The following KAT6A variants were observed in gnomAD, a reference collection of about 807,000 sequenced individuals.
KAT6A encodes the protein lysine acetyltransferase 6A, also known as histone acetyltransferase KAT6A.
In KAT6A, 9 loss-of-function variants were observed where a neutral mutation model predicts 198.4. The observed-to-expected ratio is 0.05, with a 90% confidence interval of 0.03 to 0.08. The LOEUF (loss-of-function observed/expected upper bound fraction) is 0.08, where lower values mean the gene tolerates loss of function less well. KAT6A is among the 10% of genes least tolerant of loss of function. The pLI is 1.00. For missense variants in KAT6A, 2,077 were observed against 2,509.9 expected (o/e 0.83, Z 3.69); for synonymous variants, 890 against 883.0 (o/e 1.01, Z -0.14).
intron 2 of KAT6A, among the ~76,000 whole-genome samples, chr8:42,020,668 G>C (rs1826487092): frequency 6.6e-6 from 1 of 152,190 alleles, no homozygotes; most frequent in Non-Finnish European, 1.5e-5. Context: ...AGATGGGTTA[G>C]TGCTACAGAA....
chr8:41,984,457 A>G (rs927353437), intron 3 of KAT6A, among the ~76,000 whole-genome samples: 3 of 152,328 alleles, frequency 2.0e-5, no homozygotes, highest in Admixed American at 2.0e-4. Flanking sequence ...TAAATGAGCC[A>G]TCGTGGAAGC....
intron 2 of KAT6A, among the ~76,000 whole-genome samples, chr8:42,046,210 A>G (rs1358775708): frequency 6.6e-6 from 1 of 152,180 alleles, no homozygotes; most frequent in Non-Finnish European, 1.5e-5. Flanking sequence ...AAAATTATCT[A>G]TTGATAATTC....
chr8:42,029,305 T>G (rs1432152685), intron 2 of KAT6A, among the ~76,000 whole-genome samples: 6 of 152,210 alleles, frequency 3.9e-5, no homozygotes, highest in Non-Finnish European at 5.9e-5. Context: ...TTTCTAAATC[T>G]GTATGTCTGT....
intron 2 of KAT6A, among the ~76,000 whole-genome samples, chr8:41,991,784 C>T (rs926064306): frequency 1.3e-5 from 2 of 151,600 alleles, no homozygotes; most frequent in African/African-American, 2.4e-5. Flanking sequence ...GCACTCAGAA[C>T]GTGGAGGGGG....
intron 2 of KAT6A, among the ~76,000 whole-genome samples, chr8:42,027,293 C>G (rs1222690581): frequency 6.6e-6 from 1 of 152,040 alleles, no homozygotes. Flanking sequence ...ATAATGCTGG[C>G]CTTGTAGAGT....
chr8:42,008,066 A>G (rs1207162463), intron 2 of KAT6A, among the ~76,000 whole-genome samples: 1 of 151,604 alleles, frequency 6.6e-6, no homozygotes, highest in Non-Finnish European at 1.5e-5. Context: ...CATTTTATTG[A>G]TAAGGAAAAG....
chr8:41,986,160 C>G (rs1017609787), intron 3 of KAT6A, among the ~76,000 whole-genome samples: 4 of 152,170 alleles, frequency 2.6e-5, no homozygotes, highest in African/African-American at 9.7e-5. Context: ...AGGATGGTCT[C>G]GATCTCTTGA....
chr8:42,002,281 A>C (rs939821043), intron 2 of KAT6A, among the ~76,000 whole-genome samples: 1 of 152,202 alleles, frequency 6.6e-6, no homozygotes, highest in African/African-American at 2.4e-5. Context: ...TGCATTCTTC[A>C]ACCTGATGTA....
rs149828771 is a variant in KAT6A at position 41,941,278 on chromosome 8, C to A, written c.2603G>T (p.Trp868Leu). ...ANSQPSRRGR[W>L]GRKNRKTQER... ...CTGGGTTTTTCTGTTCTTCCTCCCC[C>A]AGCGGCCCCTCCGAGATGGCTGGCT... is the stretch of plus-strand genomic sequence containing the variant. The change falls in exon 15 of 17, where the codon TGG becomes TTG. Residue 868 changes from tryptophan (W) to leucine (L), a missense_variant. Trp to Leu is a moderately conservative substitution (Grantham distance 61). Coordinates refer to ENST00000265713, the MANE Select transcript of KAT6A (RefSeq NM_006766.5). 6.2e-7 allele frequency: 1 copy of A among 1,614,066 alleles called. No homozygotes were observed. Among genetic ancestry groups the A allele is most frequent in the South Asian group, 1.1e-5 (1 of 91,060 alleles).
At chr8:42,048,335 A>G (rs372864229) in intron 2 of KAT6A, 43 bp downstream of exon 2, 28 of 1,589,466 alleles carry the variant, frequency 1.8e-5, no homozygotes, top group Admixed American at 1.2e-4. Context: ...GTAGCATCCT[A>G]TATCATCAGC....
rs1247690612 is a variant in KAT6A at position 41,937,338 on chromosome 8, C to G, written c.3270G>C (p.Ser1090=). The part of the protein sequence containing the change: ...FPREYFRRLS[S]QDVLRCQSSS... Reference sequence around the variant, plus strand: ...AGGACTGACACCTGAGTACATCCTGCGAAGACAAACGACGGAAGTATTCTC... The same window carrying G: ...AGGACTGACACCTGAGTACATCCTGGGAAGACAAACGACGGAAGTATTCTC... Residue 1090 remains serine, a synonymous_variant, in exon 16 of 17, where the codon TCG becomes TCC. Coordinates refer to ENST00000265713, the MANE Select transcript of KAT6A (RefSeq NM_006766.5). The G allele has an allele frequency of 1.2e-6, 2 of 1,613,902 alleles. No homozygotes were observed. Among genetic ancestry groups the G allele is most frequent in the Admixed American group, 3.3e-5 (2 of 59,996 alleles).
chr8:41,998,006 T>A (rs997169707), intron 2 of KAT6A, among the ~76,000 whole-genome samples: 4 of 152,162 alleles, frequency 2.6e-5, no homozygotes, highest in African/African-American at 9.7e-5. Flanking sequence ...TGATGCTCAA[T>A]GACTGGGCAT....
chr8:42,002,340 TAAAACAAAAC>T lies in KAT6A; in HGVS notation c.601-14787_601-14778del, dbSNP rs561000637. 4.3e-4 allele frequency among the ~76,000 whole-genome samples: 66 copies of T among 152,228 alleles called. No homozygotes were observed. In the Middle Eastern group the frequency reaches 0.01, roughly 24 times the overall value. Reference sequence around the variant, plus strand: ...TTTCAGCTTTTTCTTTACATAGATTTAAAACAAAACAAAACAAAACAATCAGCCTGGCAAA... The same window carrying T: ...TTTCAGCTTTTTCTTTACATAGATTTAAAACAAAACAATCAGCCTGGCAAA... On this transcript the variant is annotated intron_variant, in intron 2 of 16. Transcript: ENST00000265713.
intron 8 of KAT6A, among the ~76,000 whole-genome samples, chr8:41,959,159 GA>G (rs57009251): frequency 0.59 from 48,764 of 82,776 alleles, 11,899 homozygotes; most frequent in African/African-American, 0.71. Context: ...AGACTGTCTC[GA>G]AAAAAAAAAA....
chr8:42,009,481 G>A (rs762977043), intron 2 of KAT6A, among the ~76,000 whole-genome samples: 17 of 151,496 alleles, frequency 1.1e-4, no homozygotes, highest in Non-Finnish European at 2.4e-4. Flanking sequence ...ACCATAACAA[G>A]TATCTTCATG....
In KAT6A at chr8:42,021,291, G is replaced by C. The variant is rs1238838836; in HGVS notation, c.600+27087C>G. On this transcript the variant is annotated intron_variant, in intron 2 of 16. Transcript: ENST00000265713. The stretch of plus-strand genomic sequence containing the variant: ...TTAAAATGTGATGGCAATATTTTGT[G>C]AGTTAACAAACTGATACTTTGTTTT... Among the ~76,000 whole-genome samples the C allele has an allele frequency of 3.3e-5, 5 of 152,238 alleles. No homozygotes were observed. In the East Asian group the frequency reaches 9.6e-4, roughly 29 times the overall value.
At chr8:41,962,474 T>A (rs1309185831) in intron 8 of KAT6A, among the ~76,000 whole-genome samples, 1 of 152,072 alleles carries the variant, frequency 6.6e-6, no homozygotes, top group South Asian at 2.1e-4. Context: ...CATCAACATA[T>A]CCCAATGGGT....
intron 2 of KAT6A, among the ~76,000 whole-genome samples, chr8:42,011,047 A>G (rs1032897710): frequency 1.3e-5 from 2 of 152,196 alleles, no homozygotes; most frequent in African/African-American, 4.8e-5. Context: ...GTTGTCCCCA[A>G]AAACCAATTC....
At chr8:41,981,740 C>G in intron 4 of KAT6A, 99 bp downstream of exon 4, 2 of 734,516 alleles carry the variant, frequency 2.7e-6, no homozygotes, top group South Asian at 3.0e-5. Flanking sequence ...GCTACTGGAC[C>G]AAGTGTCTGA....
Sources: allele counts gnomAD v4.1 joint callset (sites outside exome capture counted in the v4.1 genomes callset), GRCh38; gene constraint gnomAD v4.1.1; transcripts MANE v1.5; gene names NCBI Gene and HGNC (gene_info 2026-07-23, HGNC 2026-07-21).